Variants in DYRK1A observed in about 807,000 individuals in gnomAD.
DYRK1A encodes dual specificity tyrosine-phosphorylation-regulated kinase 1A.
A neutral mutation model predicts 79.7 loss-of-function variants in DYRK1A; 9 were observed. The ratio of observed to expected loss-of-function variants is 0.11; its 90% CI spans 0.07 to 0.20. The LOEUF (loss-of-function observed/expected upper bound fraction) is 0.20, where lower values mean the gene tolerates loss of function less well. DYRK1A is among the 10% of genes least tolerant of loss of function. The pLI is 1.00. For synonymous variants in DYRK1A, 349 were observed against 329.7 expected (o/e 1.06, Z -0.63); for missense variants, 622 against 956.0 (o/e 0.65, Z 4.61).
At chr21:37,442,833 C>G (rs2051148925) in intron 2 of DYRK1A, among the ~76,000 whole-genome samples, 1 of 152,030 alleles carries the variant, frequency 6.6e-6, no homozygotes. Context: ...GTTATAGTAC[C>G]TGTTTCTGTT....
chr21:37,501,195 G>A (rs1373063392), intron 9 of DYRK1A: 2 of 123,408 alleles, frequency 1.6e-5, no homozygotes, highest in Admixed American at 7.9e-5. Context: ...TTTTTAAGAC[G>A]GAGTCTCGCT....
rs533067475 is a variant in DYRK1A at position 37,505,158 on chromosome 21, A to T, written c.1213-125A>T. On this transcript the variant is annotated intron_variant, in intron 9 of 11. Transcript: ENST00000647188. ...AATGTGTGAAAAGGCAGAGGATTTA[A>T]CTATGAAGTGTCCTTTTTAATAAAG... 134 of 733,048 alleles carry T rather than the reference A, an allele frequency of 1.8e-4. No homozygotes were observed. In the African/African-American group the frequency reaches 2.3e-3, roughly 13 times the overall value. 45.4% of individuals were successfully genotyped at this position (733,048 alleles called of 1,614,324 possible).
intron 1 of DYRK1A, among the ~76,000 whole-genome samples, chr21:37,391,630 T>C (rs933170314): frequency 2.6e-5 from 4 of 152,250 alleles, no homozygotes; most frequent in Non-Finnish European, 1.5e-5. Flanking sequence ...CTGTTCCTGA[T>C]TGGGCTGTTC....
At chr21:37,504,553 T>C (rs1314114477) in intron 9 of DYRK1A, 1 of 152,238 alleles carries the variant, frequency 6.6e-6, no homozygotes, top group African/African-American at 2.4e-5. Context: ...CATTTCTGCA[T>C]TGTAACAGAA....
At chr21:37,461,561 G>A (rs2051837842) in intron 2 of DYRK1A, among the ~76,000 whole-genome samples, 2 of 152,092 alleles carry the variant, frequency 1.3e-5, no homozygotes, top group African/African-American at 2.4e-5. Flanking sequence ...TTTTGAGGGC[G>A]GATCTACTGT....
intron 1 of DYRK1A, among the ~76,000 whole-genome samples, chr21:37,370,246 C>G (rs1263159902): frequency 6.6e-6 from 1 of 151,222 alleles, no homozygotes; most frequent in Non-Finnish European, 1.5e-5. Flanking sequence ...TGTAACTACA[C>G]GAAGTGTTAA....
chr21:37,511,126 C>A (rs578182948), intron 11 of DYRK1A, among the ~76,000 whole-genome samples: 1 of 152,294 alleles, frequency 6.6e-6, no homozygotes, highest in East Asian at 1.9e-4. Context: ...GAATGGAAGG[C>A]AGGTCTTCTT....
chr21:37,514,105 A>G lies in DYRK1A; in HGVS notation c.*1574A>G, dbSNP rs2053836012. The G allele has an allele frequency of 1.3e-5, 2 of 152,690 alleles. No individual in the cohort carries two copies. Among genetic ancestry groups the G allele is most frequent in the African/African-American group, 2.4e-5 (1 of 41,470 alleles). 9.5% of individuals were successfully genotyped at this position (152,690 alleles called of 1,614,324 possible). ...TAAAGGGACACTGGATCCAGAAGCT[A>G]TGGAACCAGCAGTTGATTCTTGTAT... On this transcript the variant is annotated 3_prime_UTR_variant, in exon 12 of 12. Transcript: ENST00000647188.
chr21:37,483,481 G>A (rs1408263749), intron 5 of DYRK1A, among the ~76,000 whole-genome samples: 3 of 152,136 alleles, frequency 2.0e-5, no homozygotes, highest in Admixed American at 6.5e-5. Context: ...AAGAATTTTG[G>A]TAATTACACA....
chr21:37,367,961 C>T (rs895124713), intron 1 of DYRK1A: 9 of 162,284 alleles, frequency 5.5e-5, no homozygotes, highest in Middle Eastern at 2.0e-3. Flanking sequence ...CCTCCTCCTC[C>T]TCTTCCTCCT....
intron 2 of DYRK1A, among the ~76,000 whole-genome samples, chr21:37,463,137 C>G (rs2051900175): frequency 6.6e-6 from 1 of 151,068 alleles, no homozygotes; most frequent in South Asian, 2.1e-4. Flanking sequence ...ATTGAGTATG[C>G]TCTTTTGGCT....
intron 1 of DYRK1A, among the ~76,000 whole-genome samples, chr21:37,373,841 T>C (rs1224329687): frequency 1.3e-5 from 2 of 152,124 alleles, no homozygotes; most frequent in Non-Finnish European, 2.9e-5. Flanking sequence ...AAGGGGAGAA[T>C]GGGGGATGAT....
At chr21:37,479,589 G>GTTTTGT (rs1219075281) in intron 4 of DYRK1A, among the ~76,000 whole-genome samples, 1,059 of 74,278 alleles carry the variant, frequency 0.014, 74 homozygotes, top group Middle Eastern at 0.027. Context: ...CAGTGTTGGT[G>GTTTTGT]TTTTGTTTTT....
rs567465249 is a variant in DYRK1A, at chr21:37,513,570, T to A, written c.*1039T>A. On this transcript the variant is annotated 3_prime_UTR_variant, in exon 12 of 12. Coordinates refer to ENST00000647188, the MANE Select transcript of DYRK1A (RefSeq NM_001347721.2). ...GTGTGTCATAAAGTTGACTTCCTTA[T>A]TGGTTGAAGGTCACAGAAGTAGTGG... The A allele has an allele frequency of 3.3e-5, 5 of 152,656 alleles. No homozygotes were observed. The highest frequency in any genetic ancestry group is 7.3e-5 in the Non-Finnish European group (5 of 68,048). 9.5% of individuals were successfully genotyped at this position (152,656 alleles called of 1,614,324 possible). A position where few individuals can be genotyped will look rare whatever the true frequency, so the allele number is the denominator to read the frequency against.
At position 37,518,809 on chromosome 21, in the gene DYRK1A, C is replaced by T. The variant is rs751500686; in HGVS notation, c.*6278C>T. On this transcript the variant is annotated 3_prime_UTR_variant, in exon 12 of 12. Coordinates refer to ENST00000647188, the MANE Select transcript of DYRK1A (RefSeq NM_001347721.2). The stretch of plus-strand genomic sequence containing the variant: ...AGTATTTTTGATAGAGAGGGGGTTT[C>T]GCAATGTTGGCCAGGCTGGTCTTGA... 14 of 151,924 alleles carry T rather than the reference C, an allele frequency of 9.2e-5. No homozygotes were observed. The highest frequency in any genetic ancestry group is 2.7e-4 in the African/African-American group (11 of 41,330). The allele number at this position is 151,924 out of a possible 1,614,324, so 9.4% of individuals were successfully genotyped here. A position where few individuals can be genotyped will look rare whatever the true frequency, so the allele number is the denominator to read the frequency against.
Position 37,366,808 on chromosome 21 carries a change from T to A in DYRK1A, c.-897T>A, listed in dbSNP as rs2049315143. The A allele has an allele frequency of 1.3e-5, 2 of 151,744 alleles. No homozygotes were observed. Among genetic ancestry groups the A allele is most frequent in the African/African-American group, 2.4e-5 (1 of 41,262 alleles). 9.4% of individuals were successfully genotyped at this position (151,744 alleles called of 1,614,324 possible). The stretch of plus-strand genomic sequence containing the variant: ...GTCCGTCGCCATTTTGTTGGTTGGT[T>A]TTTTTTTAAACCCTTTCGCTTCCCG... On this transcript the variant is annotated 5_prime_UTR_variant, in exon 1 of 12. Transcript: ENST00000647188.
chr21:37,394,227 T>C (rs202003547), intron 1 of DYRK1A, among the ~76,000 whole-genome samples: 12 of 55,532 alleles, frequency 2.2e-4, no homozygotes, highest in Admixed American at 1.4e-3. Flanking sequence ...TTTTAAACCC[T>C]TTTTTTTTTT....
rs1369601458 is a variant in DYRK1A, at chr21:37,518,563, C to G, written c.*6032C>G. 6.6e-6 allele frequency: 1 copy of G among 151,246 alleles called. No individual in the cohort carries two copies. The highest frequency in any genetic ancestry group is 1.5e-5 in the Non-Finnish European group (1 of 67,984). The allele number at this position is 151,246 out of a possible 1,614,324, so 9.4% of individuals were successfully genotyped here. On this transcript the variant is annotated 3_prime_UTR_variant, in exon 12 of 12. Transcript: ENST00000647188. ...ATTCTGAACCTGCAGCCAGGCAGGA[C>G]TCTGGCAAGAAGAGGCGTGTGGCTA...
chr21:37,433,428 A>G (rs1002276133), intron 2 of DYRK1A, among the ~76,000 whole-genome samples: 1 of 152,220 alleles, frequency 6.6e-6, no homozygotes, highest in Non-Finnish European at 1.5e-5. Flanking sequence ...CTTTATCTAT[A>G]TGGAGGGAAT....
Sources: allele counts gnomAD v4.1 joint callset (sites outside exome capture counted in the v4.1 genomes callset), GRCh38; gene constraint gnomAD v4.1.1; transcripts MANE v1.5; gene names NCBI Gene and HGNC (gene_info 2026-07-23, HGNC 2026-07-21).